The following SEMA5B variants were observed in gnomAD, a reference collection of about 807,000 sequenced individuals.
The protein encoded by SEMA5B is semaphorin-5B.
A neutral mutation model predicts 135.0 loss-of-function variants in SEMA5B; 66 were observed. The ratio of observed to expected loss-of-function variants is 0.49; its 90% CI spans 0.40 to 0.60. The LOEUF (loss-of-function observed/expected upper bound fraction) is 0.60. Among genes scored for constraint, SEMA5B ranks in the 20% least tolerant of loss-of-function variants. SEMA5B has a pLI of 0.00. For missense variants in SEMA5B, 1,501 were observed against 1,566.3 expected (o/e 0.96, Z 0.70); for synonymous variants, 690 against 639.5 (o/e 1.08, Z -1.19).
Position 122,927,838 on chromosome 3 carries a change from T to C in SEMA5B, c.802A>G (p.Ser268Gly), listed in dbSNP as rs991674550. The change falls in exon 8 of 23, where the codon AGT becomes GGT. Residue 268 changes from serine to glycine, a missense_variant. Transcript: ENST00000357599. ...TGGGCAGTGCGAAGCGGTGGCCCAC[T>C]GCCCAGGCTGCGGTAGATGGCAGGG... ...RDPAIYRSLG[S>G]GPPLRTAQYN... 1.9e-6 allele frequency: 3 copies of C among 1,570,962 alleles called. No individual in the cohort carries two copies. The highest frequency in any genetic ancestry group is 2.7e-5 in the African/African-American group (2 of 73,068).
intron 18 of SEMA5B, 127 bp downstream of exon 18, chr3:122,912,716 G>C: frequency 2.1e-6 from 2 of 943,200 alleles, no homozygotes; most frequent in South Asian, 3.4e-5. Flanking sequence ...GGGGTCCCTA[G>C]CACAGAGTTG....
chr3:122,956,662 C>A (rs965942876), intron 2 of SEMA5B, among the ~76,000 whole-genome samples: 1 of 152,110 alleles, frequency 6.6e-6, no homozygotes, highest in African/African-American at 2.4e-5. Flanking sequence ...CCTGCACAAC[C>A]GAACCCTCCC....
At chr3:122,979,302 G>C (rs977748137) in intron 1 of SEMA5B, among the ~76,000 whole-genome samples, 2 of 152,158 alleles carry the variant, frequency 1.3e-5, no homozygotes, top group African/African-American at 2.4e-5. Flanking sequence ...AGATCGCCTT[G>C]GTGTCTCCAG....
At chr3:122,944,460 C>G (rs1314826437) in intron 3 of SEMA5B, among the ~76,000 whole-genome samples, 1 of 152,216 alleles carries the variant, frequency 6.6e-6, no homozygotes, top group African/African-American at 2.4e-5. Flanking sequence ...CCAAGAAAGA[C>G]TTTGCTTCCT....
At chr3:122,979,534 T>G (rs1258828914) in intron 1 of SEMA5B, among the ~76,000 whole-genome samples, 1 of 151,962 alleles carries the variant, frequency 6.6e-6, no homozygotes, top group Non-Finnish European at 1.5e-5. Context: ...CCTTCTCTCT[T>G]GTTGTGATTT....
rs568759195 is a variant in SEMA5B at position 122,949,732 on chromosome 3, C to A, written c.125-1023G>T. Among the ~76,000 whole-genome samples, 5 of 152,272 alleles carry A rather than the reference C, an allele frequency of 3.3e-5. No individual in the cohort carries two copies. In the East Asian group the frequency reaches 7.7e-4, roughly 23 times the overall value. On this transcript the variant is annotated intron_variant, in intron 2 of 22. Transcript: ENST00000357599. Reference sequence around the variant, plus strand: ...ATTGGTGTTCTAGGTATTTTTCAGACCCTGCATTCTGTTGGATCTGCTGAT... The same window carrying A: ...ATTGGTGTTCTAGGTATTTTTCAGAACCTGCATTCTGTTGGATCTGCTGAT...
intron 5 of SEMA5B, among the ~76,000 whole-genome samples, chr3:122,930,958 A>C (rs562897167): frequency 6.6e-6 from 1 of 152,308 alleles, no homozygotes; most frequent in East Asian, 1.9e-4. Flanking sequence ...TCTCTAACCA[A>C]AAGTTAGGCC....
intron 1 of SEMA5B, among the ~76,000 whole-genome samples, chr3:122,981,398 G>A (rs151225572): frequency 3.3e-5 from 5 of 152,256 alleles, no homozygotes; most frequent in African/African-American, 1.2e-4. Context: ...CGTGACCCCA[G>A]CCTTGGTTCA....
At chr3:122,991,940 C>T (rs563702418) in intron 1 of SEMA5B, among the ~76,000 whole-genome samples, 52 of 152,232 alleles carry the variant, frequency 3.4e-4, no homozygotes, top group Middle Eastern at 3.4e-3. Context: ...ATCCCTGTGA[C>T]GGCAAAACAG....
chr3:122,999,326 A>G (rs956678842), intron 1 of SEMA5B, among the ~76,000 whole-genome samples: 1 of 152,116 alleles, frequency 6.6e-6, no homozygotes, highest in Admixed American at 6.5e-5. Context: ...TCCCGGGTTC[A>G]AGCGATTCTC....
chr3:122,912,265 G>A lies in SEMA5B; in HGVS notation c.2803C>T (p.Arg935Cys). Residue 935 changes from arginine (R) to cysteine (C), a missense_variant, in exon 19 of 23, where the codon CGT becomes TGT. Arg to Cys is a radical substitution (Grantham distance 180). Transcript: ENST00000357599. ...SCGGGHYQRT[R>C]SCTSPAPSPG... ...GAGGGTGCGGGGCTGGTGCAGGAAC[G>A]GGTGCGTTGATAGTGACCCCCACCA... 6.2e-7 allele frequency: 1 copy of A among 1,612,146 alleles called. No individual in the cohort carries two copies. The highest frequency in any genetic ancestry group is 8.5e-7 in the Non-Finnish European group (1 of 1,179,096).
rs1007826225 is a variant in SEMA5B at position 122,910,226 on chromosome 3, T to C, written c.3373A>G (p.Thr1125Ala). 1.9e-6 allele frequency: 3 copies of C among 1,614,148 alleles called. No individual in the cohort carries two copies. The highest frequency in any genetic ancestry group is 2.5e-6 in the Non-Finnish European group (3 of 1,180,012). ...TTCAGGGGGCTTGGGTAGTAAGTAG[T>C]CGTGTACACATTGGTCTGCTGCAAT... ...YPLQQTNVYT[T>A]TYYPSPLNKH... is the part of the protein sequence containing the mutation. Residue 1125 changes from threonine to alanine, a missense_variant, in exon 23 of 23, where the codon ACT (threonine) becomes GCT (alanine). Thr to Ala is a moderately conservative substitution (Grantham distance 58, BLOSUM62 0). Around this residue, in one of 2 missense-constraint regions of SEMA5B, gnomAD observed 927 missense variants for 881.6 expected, o/e 1.05. Transcript: ENST00000357599.
rs916876645 is a variant in SEMA5B at position 122,911,946 on chromosome 3, C to T, written c.3020G>A (p.Arg1007His). ...SACAGNSSQS[R>H]PCPYSEIPVI... ...GGGAATCTCGCTGTAGGGGCAGGGG[C>T]GGCTCTGGCTGCTGTTTCCAGCACA... The change falls in exon 20 of 23, where the codon CGC (arginine) becomes CAC (histidine). Residue 1007 changes from arginine to histidine, a missense_variant. Around this residue, in one of 2 missense-constraint regions of SEMA5B, gnomAD observed 927 missense variants for 881.6 expected, o/e 1.05. Coordinates refer to ENST00000357599, the MANE Select transcript of SEMA5B (RefSeq NM_001031702.4). 4 of 1,606,794 alleles carry T rather than the reference C, an allele frequency of 2.5e-6. No homozygotes were observed. Among genetic ancestry groups the T allele is most frequent in the Middle Eastern group, 1.7e-4 (1 of 6,024 alleles).
intron 5 of SEMA5B, among the ~76,000 whole-genome samples, chr3:122,929,414 G>T (rs1219502010): frequency 6.6e-6 from 1 of 152,228 alleles, no homozygotes; most frequent in Non-Finnish European, 1.5e-5. Context: ...CCCACCCCAG[G>T]CCCTGGGTGG....
chr3:122,923,310 G>T (rs956461159), intron 10 of SEMA5B, among the ~76,000 whole-genome samples: 1 of 152,220 alleles, frequency 6.6e-6, no homozygotes, highest in Non-Finnish European at 1.5e-5. Flanking sequence ...GACAGCTTGT[G>T]TAGTGCTTTC....
chr3:122,957,047 A>C (rs961540367), intron 2 of SEMA5B, among the ~76,000 whole-genome samples: 1 of 152,160 alleles, frequency 6.6e-6, no homozygotes, highest in African/African-American at 2.4e-5. Flanking sequence ...AAGCTGGTGG[A>C]GAGAGGCAGA....
intron 1 of SEMA5B, among the ~76,000 whole-genome samples, chr3:123,006,736 C>A (rs1302621315): frequency 6.6e-6 from 1 of 152,114 alleles, no homozygotes; most frequent in Non-Finnish European, 1.5e-5. Context: ...TGAGCAACGG[C>A]CAGGCCTGGG....
At chr3:122,939,937 G>A (rs1226815081) in intron 4 of SEMA5B, among the ~76,000 whole-genome samples, 1 of 152,042 alleles carries the variant, frequency 6.6e-6, no homozygotes, top group African/African-American at 2.4e-5. Flanking sequence ...TCTCACACAG[G>A]CCAGCCATCT....
intron 1 of SEMA5B, among the ~76,000 whole-genome samples, chr3:122,992,139 T>A (rs1054082742): frequency 3.3e-5 from 5 of 152,206 alleles, no homozygotes; most frequent in Non-Finnish European, 7.3e-5. Flanking sequence ...ACCCTCATTG[T>A]GTTTCATTTT....
Sources: gnomAD v4.1 joint callset for allele counts (sites outside exome capture counted in the v4.1 genomes callset) on GRCh38, gnomAD v4.1.1 for gene constraint, gnomAD v4.1.1 regional missense constraint, MANE v1.5 for transcripts, NCBI Gene and HGNC (gene_info 2026-07-23, HGNC 2026-07-21) for gene names.